The following BANK1 variants were observed in gnomAD, a reference collection of about 807,000 sequenced individuals.
The protein encoded by BANK1 is B-cell scaffold protein with ankyrin repeats.
Under a neutral mutation model 94.5 loss-of-function variants are expected in BANK1, and 95 were observed. That is an observed-to-expected ratio of 1.00 (90% CI 0.85 to 1.19). BANK1 has a LOEUF of 1.19. Ranked by LOEUF, BANK1 falls within the 50% of genes most tolerant of loss-of-function variation. The pLI is 0.00. For missense variants in BANK1, 987 were observed against 932.2 expected, an observed-to-expected ratio of 1.06 and a Z score of -0.77; for synonymous variants, 334 against 308.4, an observed-to-expected ratio of 1.08 and a Z score of -0.87.
Position 101,871,040 on chromosome 4 carries a change from A to G in BANK1, c.903+396A>G, listed in dbSNP as rs17031752. On this transcript the variant is annotated intron_variant, in intron 5 of 16. Coordinates refer to ENST00000322953, the MANE Select transcript of BANK1 (RefSeq NM_017935.5). ...TCTCATGCTTTGAGATTAAGGAGTTAGACAAACCAAAATATCACCAAAAAG... is the reference window on the plus strand; with the variant it reads ...TCTCATGCTTTGAGATTAAGGAGTTGGACAAACCAAAATATCACCAAAAAG... 4.7e-3 allele frequency among the ~76,000 whole-genome samples: 715 copies of G among 152,268 alleles called. 12 individuals are homozygous for G. In the East Asian group the frequency reaches 0.057, roughly 12 times the overall value.
At chr4:101,855,555 T>C (rs1727650060) in intron 3 of BANK1, among the ~76,000 whole-genome samples, 1 of 152,118 alleles carries the variant, frequency 6.6e-6, no homozygotes, top group Admixed American at 6.6e-5. Flanking sequence ...TGTTGAAAAA[T>C]TAAATAGTGA....
At chr4:102,056,741 C>T (rs1728239418) in intron 11 of BANK1, among the ~76,000 whole-genome samples, 1 of 152,238 alleles carries the variant, frequency 6.6e-6, no homozygotes, top group Admixed American at 6.5e-5. Flanking sequence ...TGTGGTGGCT[C>T]ACACCTGTAA....
intron 1 of BANK1, among the ~76,000 whole-genome samples, chr4:101,809,585 T>C (rs1294261945): frequency 2.0e-5 from 3 of 152,098 alleles, no homozygotes; most frequent in Non-Finnish European, 1.5e-5. Context: ...AGATAATAAT[T>C]TGCATTTCCC....
At chr4:102,007,065 A>T (rs867571071) in intron 7 of BANK1, among the ~76,000 whole-genome samples, 3 of 103,058 alleles carry the variant, frequency 2.9e-5, no homozygotes, top group African/African-American at 1.3e-4. Context: ...AAAATATATA[A>T]TTTTATATAT....
intron 7 of BANK1, among the ~76,000 whole-genome samples, chr4:101,992,398 T>G (rs1018397988): frequency 1.3e-5 from 2 of 152,174 alleles, no homozygotes; most frequent in African/African-American, 2.4e-5. Context: ...ATAGGAAATA[T>G]GGGCACAATA....
At chr4:102,061,385 C>A (rs548433387) in intron 12 of BANK1, 1 of 152,294 alleles carries the variant, frequency 6.6e-6, no homozygotes, top group East Asian at 1.9e-4. Context: ...TGAACCTCAT[C>A]CAGATTTTGT....
intron 7 of BANK1, among the ~76,000 whole-genome samples, chr4:101,939,788 A>G (rs991582496): frequency 1.3e-5 from 2 of 151,724 alleles, no homozygotes; most frequent in Non-Finnish European, 2.9e-5. Flanking sequence ...CAAAGTTGAC[A>G]TGATTTTAAT....
chr4:101,846,474 A>G (rs1727250207), intron 2 of BANK1, among the ~76,000 whole-genome samples: 1 of 152,236 alleles, frequency 6.6e-6, no homozygotes, highest in African/African-American at 2.4e-5. Flanking sequence ...ACTGCTATAA[A>G]GAACACTCAA....
intron 11 of BANK1, among the ~76,000 whole-genome samples, chr4:102,052,113 CTTTTTTTTTTTTT>C (rs199811166): frequency 9.6e-6 from 1 of 103,994 alleles, no homozygotes; most frequent in South Asian, 3.5e-4. Flanking sequence ...TTCTTTTTTT[CTTTTTTTTTTTTT>C]TTTTTTTTTT....
chr4:101,820,680 A>T (rs1726108145), intron 1 of BANK1, among the ~76,000 whole-genome samples: 1 of 152,020 alleles, frequency 6.6e-6, no homozygotes, highest in African/African-American at 2.4e-5. Context: ...TTGTGTTCAT[A>T]AATTCTTATC....
chr4:102,049,096 G>A (rs564665484), intron 11 of BANK1, among the ~76,000 whole-genome samples: 4 of 152,222 alleles, frequency 2.6e-5, no homozygotes, highest in East Asian at 1.9e-4. Context: ...TTATGTTATC[G>A]AAGCTCACAG....
intron 1 of BANK1, among the ~76,000 whole-genome samples, chr4:101,824,979 A>G (rs1007045342): frequency 6.6e-6 from 1 of 152,188 alleles, no homozygotes; most frequent in Non-Finnish European, 1.5e-5. Flanking sequence ...AACATTTGTT[A>G]TAGTGTATTT....
chr4:101,976,026 G>A (rs1725114760), intron 7 of BANK1, among the ~76,000 whole-genome samples: 1 of 152,096 alleles, frequency 6.6e-6, no homozygotes, highest in Non-Finnish European at 1.5e-5. Context: ...GGAAGAAGCT[G>A]ATTAGAAATT....
intron 7 of BANK1, among the ~76,000 whole-genome samples, chr4:101,926,864 T>G (rs376129733): frequency 2.0e-5 from 3 of 151,850 alleles, no homozygotes; most frequent in African/African-American, 7.2e-5. Flanking sequence ...AAGGCTCTGG[T>G]AGGATGTGGA....
At chr4:102,049,276 T>C (rs1316915950) in intron 11 of BANK1, among the ~76,000 whole-genome samples, 1 of 152,238 alleles carries the variant, frequency 6.6e-6, no homozygotes, top group Non-Finnish European at 1.5e-5. Flanking sequence ...GTCAAAAATG[T>C]TGAAAGAATT....
At chr4:101,853,237 G>A (rs1727557814) in intron 2 of BANK1, among the ~76,000 whole-genome samples, 1 of 152,184 alleles carries the variant, frequency 6.6e-6, no homozygotes, top group Non-Finnish European at 1.5e-5. Context: ...AAGAAAACAA[G>A]AAAACTTTTC....
At chr4:101,966,702 G>A (rs985761692) in intron 7 of BANK1, among the ~76,000 whole-genome samples, 1 of 152,012 alleles carries the variant, frequency 6.6e-6, no homozygotes, top group African/African-American at 2.4e-5. Flanking sequence ...GCTCCCAAGT[G>A]AGAATAAATC....
chr4:101,963,760 A>G (rs964189879), intron 7 of BANK1, among the ~76,000 whole-genome samples: 1 of 152,080 alleles, frequency 6.6e-6, no homozygotes, highest in African/African-American at 2.4e-5. Context: ...CAGCCAAATC[A>G]TTTACCCGAG....
chr4:101,932,164 C>A (rs1422287400), intron 7 of BANK1, among the ~76,000 whole-genome samples: 1 of 151,458 alleles, frequency 6.6e-6, no homozygotes, highest in African/African-American at 2.4e-5. Context: ...CTGTGAAGAA[C>A]TGGCCTATCC....
Sources: gnomAD v4.1 joint callset for allele counts (sites outside exome capture counted in the v4.1 genomes callset) on GRCh38, gnomAD v4.1.1 for gene constraint, MANE v1.5 for transcripts, NCBI Gene and HGNC (gene_info 2026-07-23, HGNC 2026-07-21) for gene names.